MACF1: variants seen among roughly 807,000 people sequenced by gnomAD.
The protein encoded by MACF1 is microtubule-actin cross-linking factor 1.
Under a neutral mutation model 854.8 loss-of-function variants are expected in MACF1, and 193 were observed. That is an observed-to-expected ratio of 0.23 (90% confidence interval 0.20 to 0.25). The LOEUF (loss-of-function observed/expected upper bound fraction) is 0.25. Ranked by LOEUF, MACF1 falls within the 10% of genes least tolerant of loss-of-function variation. MACF1 has a pLI of 1.00. For missense variants in MACF1, 7,722 were observed against 8,929.1 expected, an observed-to-expected ratio of 0.86 and a Z score of 5.45; for synonymous variants, 3,185 against 3,226.7, an observed-to-expected ratio of 0.99 and a Z score of 0.44.
chr1:39,195,416 T>C (rs1644307718), intron 2 of MACF1, among the ~76,000 whole-genome samples: 1 of 152,248 alleles, frequency 6.6e-6, no homozygotes, highest in Non-Finnish European at 1.5e-5. Flanking sequence ...CAAATAGTTA[T>C]TTAGTGACTA....
chr1:39,102,874 G>GA (rs1388628295), intron 2 of MACF1: 4 of 702,362 alleles, frequency 5.7e-6, no homozygotes, highest in Non-Finnish European at 1.0e-5. Context: ...TGAAAGAAGC[G>GA]AAAAACCTCC....
chr1:39,300,487 C>A, intron 22 of MACF1, 125 bp downstream of exon 22: 1 of 968,556 alleles, frequency 1.0e-6, no homozygotes, highest in South Asian at 1.9e-5. Context: ...TTTAAACATG[C>A]TGAAGTCTCT....
intron 2 of MACF1, among the ~76,000 whole-genome samples, chr1:39,173,652 GTTATTTC>G (rs1483301856): frequency 6.6e-6 from 1 of 152,172 alleles, no homozygotes; most frequent in Non-Finnish European, 1.5e-5. Context: ...TAGAGACTCT[GTTATTTC>G]TCTCTCCAGA....
At chr1:39,092,845 G>A (rs1049649559) in intron 2 of MACF1, among the ~76,000 whole-genome samples, 7 of 151,342 alleles carry the variant, frequency 4.6e-5, no homozygotes, top group Non-Finnish European at 8.8e-5. Context: ...GTGCTGTGGT[G>A]CCATCTCAGC....
intron 2 of MACF1, among the ~76,000 whole-genome samples, chr1:39,173,916 C>T (rs1457312512): frequency 6.6e-6 from 1 of 152,040 alleles, no homozygotes; most frequent in Non-Finnish European, 1.5e-5. Flanking sequence ...TTAAGGCTGC[C>T]TTTTCTCTCT....
Position 39,333,931 on chromosome 1 carries a change from G to A in MACF1, c.7343G>A (p.Gly2448Asp), listed in dbSNP as rs147441513. ...ELINLEKASK[G>D]RDAEKTVRER... is the part of the protein sequence containing the mutation. ...ATAAATCTGGAGAAAGCTTCCAAAG[G>A]TAGAGATGCTGAAAAAACAGTTAGG... is the stretch of plus-strand genomic sequence containing the variant. Residue 2448 changes from glycine (G) to aspartate (D), a missense_variant, in exon 37 of 101, where the codon GGT becomes GAT. Transcript: ENST00000564288. 3 of 1,614,170 alleles carry A rather than the reference G, an allele frequency of 1.9e-6. No individual in the cohort carries two copies. The highest frequency in any genetic ancestry group is 2.5e-6 in the Non-Finnish European group (3 of 1,180,028).
chr1:39,462,122 A>G, intron 93 of MACF1, 85 bp downstream of exon 93: 8 of 1,298,660 alleles, frequency 6.2e-6, no homozygotes, highest in Non-Finnish European at 7.6e-6. Context: ...TGATCATATT[A>G]GCCTTTGACT....
intron 2 of MACF1, among the ~76,000 whole-genome samples, chr1:39,137,507 A>G (rs1643208771): frequency 6.6e-6 from 1 of 152,212 alleles, no homozygotes. Flanking sequence ...CTGAGACTAC[A>G]GGCATGTGCC....
intron 58 of MACF1, chr1:39,412,843 A>G (rs760649455): frequency 5.6e-6 from 9 of 1,611,490 alleles, no homozygotes; most frequent in African/African-American, 2.7e-5. Flanking sequence ...GGGTACCTCA[A>G]TTGCTGCAGT....
chr1:39,338,747 G>T (rs1396623247), intron 38 of MACF1, among the ~76,000 whole-genome samples: 1 of 152,150 alleles, frequency 6.6e-6, no homozygotes, highest in Non-Finnish European at 1.5e-5. Context: ...CTATATCCTT[G>T]CTCCCGCTAT....
At chr1:39,462,830 G>A (rs1432818438) in intron 93 of MACF1, among the ~76,000 whole-genome samples, 1 of 152,182 alleles carries the variant, frequency 6.6e-6, no homozygotes, top group Non-Finnish European at 1.5e-5. Context: ...AAATTTATTA[G>A]TGCCATCTAG....
rs1037143898 is a variant in MACF1 at position 39,317,107 on chromosome 1, A to G, written c.3589-107A>G. The G allele has an allele frequency of 4.4e-6, 5 of 1,134,786 alleles. No homozygotes were observed. In the African/African-American group the frequency reaches 6.3e-5, roughly 14 times the overall value. 70.3% of individuals were successfully genotyped at this position (1,134,786 alleles called of 1,614,324 possible). A position where few individuals can be genotyped will look rare whatever the true frequency, so the allele number is the denominator to read the frequency against. Reference sequence around the variant, plus strand: ...CAAACATTCCAGGGCACAATCACATATACAATGTGGAAATAGCTGTAGACC... The same window carrying G: ...CAAACATTCCAGGGCACAATCACATGTACAATGTGGAAATAGCTGTAGACC... On this transcript the variant is annotated intron_variant, in intron 28 of 100. Transcript: ENST00000564288.
chr1:39,339,631 G>A (rs1261136027), intron 38 of MACF1, among the ~76,000 whole-genome samples: 6 of 152,182 alleles, frequency 3.9e-5, no homozygotes, highest in East Asian at 1.9e-4. Flanking sequence ...GACACTACTT[G>A]AAGGAGATGG....
intron 51 of MACF1, among the ~76,000 whole-genome samples, 160 bp from the exon 52 acceptor site, chr1:39,372,319 T>C (rs545512967): frequency 6.6e-6 from 1 of 152,372 alleles, no homozygotes; most frequent in South Asian, 2.1e-4. Context: ...GCCAGTCATA[T>C]AGTAAATGTT....
At chr1:39,098,543 C>G (rs1470814985) in intron 2 of MACF1, among the ~76,000 whole-genome samples, 1 of 152,230 alleles carries the variant, frequency 6.6e-6, no homozygotes, top group Non-Finnish European at 1.5e-5. Context: ...TGCGGTGAGG[C>G]CTTCCACGCC....
rs374265358 is a variant in MACF1 at position 39,336,421 on chromosome 1, G to C, written c.9833G>C (p.Gly3278Ala). 8.7e-6 allele frequency: 14 copies of C among 1,614,028 alleles called. No individual in the cohort carries two copies. The highest frequency in any genetic ancestry group is 2.2e-5 in the East Asian group (1 of 44,902). Reference protein sequence around the residue: ...GSFLPEKLFKGVSQKENTGQQ... With the variant: ...GSFLPEKLFKAVSQKENTGQQ... ...TTTCTTCCAGAGAAACTGTTCAAAG[G>C]AGTGTCTCAAAAAGAGAATACAGGG... Residue 3278 changes from glycine to alanine, a missense_variant, in exon 37 of 101, where the codon GGA (glycine) becomes GCA (alanine). This residue lies in a region of MACF1 where 854 missense variants were observed against 852.6 expected (regional missense o/e 1.00). Transcript: ENST00000564288.
intron 91 of MACF1, among the ~76,000 whole-genome samples, chr1:39,459,558 G>A (rs1644510013): frequency 6.6e-6 from 1 of 152,180 alleles, no homozygotes; most frequent in Admixed American, 6.5e-5. Context: ...ATCAGGAACA[G>A]AACTTTGGAA....
At chr1:39,099,691 C>CT (rs1383847388) in intron 2 of MACF1, among the ~76,000 whole-genome samples, 1 of 152,178 alleles carries the variant, frequency 6.6e-6, no homozygotes, top group Non-Finnish European at 1.5e-5. Flanking sequence ...GGCTCCCTCC[C>CT]CCAACCCCCA....
At chr1:39,304,095 G>A (rs940636251) in intron 23 of MACF1, among the ~76,000 whole-genome samples, 28 of 148,672 alleles carry the variant, frequency 1.9e-4, no homozygotes, top group African/African-American at 7.0e-4. Flanking sequence ...ATGTATACAT[G>A]TGCCATGTTG....
Sources: allele counts gnomAD v4.1 joint callset (sites outside exome capture counted in the v4.1 genomes callset), GRCh38; gene constraint gnomAD v4.1.1; regional missense constraint gnomAD v4.1.1; transcripts MANE v1.5; gene names NCBI Gene and HGNC (gene_info 2026-07-23, HGNC 2026-07-21).